Variants in ZNF407 observed in about 807,000 individuals in gnomAD.
ZNF407 encodes zinc finger protein 407.
A neutral mutation model predicts 131.2 loss-of-function variants in ZNF407; 17 were observed. That is an observed-to-expected ratio of 0.13 (90% CI 0.09 to 0.19). The LOEUF is 0.19. Among genes scored for constraint, ZNF407 ranks in the 10% least tolerant of loss-of-function variants. The pLI, the probability that ZNF407 is intolerant of heterozygous loss-of-function variation, is 1.00. For synonymous variants in ZNF407, 1,156 were observed against 1,062.0 expected (o/e 1.09, Z -1.72); for missense variants, 2,681 against 2,830.6 (o/e 0.95, Z 1.20).
Position 74,626,060 on chromosome 18 carries a change from G to A in ZNF407, c.-53-4907G>A, listed in dbSNP as rs188125890. The stretch of plus-strand genomic sequence containing the variant: ...AACAAAGGATTTATATCCAGAATAC[G>A]TAAGCAGTTCAATAATAAAACAACC... On this transcript the variant is annotated intron_variant, in intron 1 of 8. Transcript: ENST00000299687. Among the ~76,000 whole-genome samples, 488 of 152,248 alleles carry A rather than the reference G, an allele frequency of 3.2e-3. 6 individuals are homozygous for A. The highest frequency in any genetic ancestry group is 0.01 in the African/African-American group (435 of 41,532).
At chr18:74,777,941 G>A (rs1969508215) in intron 3 of ZNF407, among the ~76,000 whole-genome samples, 1 of 152,092 alleles carries the variant, frequency 6.6e-6, no homozygotes, top group African/African-American at 2.4e-5. Flanking sequence ...AAATAGCCAG[G>A]CCCAGTGGCG....
chr18:74,630,170 T>C (rs1983986900), intron 1 of ZNF407, among the ~76,000 whole-genome samples: 1 of 146,922 alleles, frequency 6.8e-6, no homozygotes, highest in South Asian at 2.1e-4. Flanking sequence ...GTGGTGTCTT[T>C]TTTTTTTTTT....
intron 3 of ZNF407, among the ~76,000 whole-genome samples, chr18:74,681,012 G>A (rs566196824): frequency 5.6e-4 from 85 of 152,106 alleles, no homozygotes; most frequent in Non-Finnish European, 1.0e-3. Context: ...GCTTGGCCCC[G>A]GAAATAAAAA....
intron 4 of ZNF407, among the ~76,000 whole-genome samples, chr18:74,848,298 AAGGTCAGC>A (rs538065974): frequency 1.6e-3 from 247 of 152,350 alleles, no homozygotes; most frequent in Middle Eastern, 0.014. Context: ...GATTTGAAAT[AAGGTCAGC>A]AGAGTCATTT....
intron 8 of ZNF407, among the ~76,000 whole-genome samples, chr18:74,934,952 C>T (rs1467146355): frequency 6.6e-6 from 1 of 152,162 alleles, no homozygotes; most frequent in African/African-American, 2.4e-5. Context: ...ACTGAAATTA[C>T]TCTATGTCAT....
At chr18:74,691,960 G>A (rs916124124) in intron 3 of ZNF407, among the ~76,000 whole-genome samples, 23 of 152,036 alleles carry the variant, frequency 1.5e-4, no homozygotes, top group African/African-American at 5.6e-4. Context: ...CAGGTGTGGT[G>A]GTGCATACCT....
intron 8 of ZNF407, among the ~76,000 whole-genome samples, chr18:75,024,472 G>A (rs1189112472): frequency 6.6e-6 from 1 of 152,178 alleles, no homozygotes; most frequent in Non-Finnish European, 1.5e-5. Context: ...CTTTGCAAGT[G>A]AGACAACACT....
intron 4 of ZNF407, among the ~76,000 whole-genome samples, chr18:74,823,095 A>G (rs1970363226): frequency 6.6e-6 from 1 of 152,000 alleles, no homozygotes; most frequent in Admixed American, 6.6e-5. Flanking sequence ...TAGGAATTTC[A>G]TATCCAGCCA....
intron 4 of ZNF407, among the ~76,000 whole-genome samples, chr18:74,797,859 C>T (rs1969949451): frequency 6.7e-6 from 1 of 148,174 alleles, no homozygotes; most frequent in Non-Finnish European, 1.5e-5. Context: ...AGCCATATTT[C>T]ATTAATTAAG....
At chr18:74,853,799 T>G (rs781403305) in intron 4 of ZNF407, among the ~76,000 whole-genome samples, 78 of 152,190 alleles carry the variant, frequency 5.1e-4, no homozygotes, top group Admixed American at 1.6e-3. Flanking sequence ...TTTCCAAGTC[T>G]GACAAGCAGT....
At chr18:74,816,859 G>A (rs1400571623) in intron 4 of ZNF407, among the ~76,000 whole-genome samples, 1 of 151,992 alleles carries the variant, frequency 6.6e-6, no homozygotes, top group Non-Finnish European at 1.5e-5. Flanking sequence ...TAATAAATAA[G>A]GAATTATTTT....
In ZNF407 at chr18:74,888,025, A is replaced by G. The variant is rs142269281; in HGVS notation, c.5129-1893A>G. On this transcript the variant is annotated intron_variant, in intron 6 of 8. Transcript: ENST00000299687. Reference sequence around the variant, plus strand: ...AAACGTTCTAATTTTCAGGACAGATACGGTTTTGTTGATAGCCAAATTGAT... The same window carrying G: ...AAACGTTCTAATTTTCAGGACAGATGCGGTTTTGTTGATAGCCAAATTGAT... Among the ~76,000 whole-genome samples, 911 of 152,320 alleles carry G rather than the reference A, an allele frequency of 6.0e-3. 5 individuals are homozygous for G. The highest frequency in any genetic ancestry group is 0.021 in the African/African-American group (853 of 41,580).
chr18:74,978,807 G>A (rs1972556060), intron 8 of ZNF407, among the ~76,000 whole-genome samples: 2 of 152,166 alleles, frequency 1.3e-5, no homozygotes, highest in Admixed American at 1.3e-4. Flanking sequence ...ACATGGAGGT[G>A]GTCATTGAAG....
chr18:74,675,727 C>T (rs1442586690), intron 3 of ZNF407, among the ~76,000 whole-genome samples: 1 of 152,142 alleles, frequency 6.6e-6, no homozygotes, highest in African/African-American at 2.4e-5. Context: ...AGCAATTACA[C>T]CATTATCCTT....
intron 3 of ZNF407, among the ~76,000 whole-genome samples, chr18:74,730,009 G>A (rs894310174): frequency 1.3e-5 from 2 of 152,154 alleles, no homozygotes; most frequent in African/African-American, 4.8e-5. Flanking sequence ...AATAGCGTTG[G>A]AAAAGCACGT....
chr18:75,029,101 A>G (rs988691302), intron 8 of ZNF407, among the ~76,000 whole-genome samples: 1 of 152,174 alleles, frequency 6.6e-6, no homozygotes, highest in Non-Finnish European at 1.5e-5. Flanking sequence ...CAAAATGCAC[A>G]TAATATAGGG....
At chr18:74,815,012 A>G (rs1970248574) in intron 4 of ZNF407, among the ~76,000 whole-genome samples, 1 of 151,930 alleles carries the variant, frequency 6.6e-6, no homozygotes, top group African/African-American at 2.4e-5. Context: ...AAATTACATT[A>G]TAAAATTGTT....
At chr18:74,678,594 C>T (rs1966907974) in intron 3 of ZNF407, among the ~76,000 whole-genome samples, 1 of 152,132 alleles carries the variant, frequency 6.6e-6, no homozygotes, top group African/African-American at 2.4e-5. Context: ...AGATCCTGGC[C>T]ACATAATTTC....
chr18:74,753,269 TAA>T (rs202026254), intron 3 of ZNF407, among the ~76,000 whole-genome samples: 1,466 of 144,970 alleles, frequency 0.01, 26 homozygotes, highest in African/African-American at 0.034. Flanking sequence ...CTTATCAGCT[TAA>T]GTTTTCTAAA....
Sources: gnomAD v4.1 joint callset for allele counts (sites outside exome capture counted in the v4.1 genomes callset) on GRCh38, gnomAD v4.1.1 for gene constraint, MANE v1.5 for transcripts, NCBI Gene and HGNC (gene_info 2026-07-23, HGNC 2026-07-21) for gene names.